IL1RN: variants seen among roughly 807,000 people sequenced by gnomAD.
IL1RN encodes interleukin 1 receptor antagonist, also known as interleukin-1 receptor antagonist protein.
A neutral mutation model predicts 13.7 loss-of-function variants in IL1RN; 10 were observed. That is an observed-to-expected ratio of 0.73 (90% CI 0.45 to 1.24). The LOEUF (loss-of-function observed/expected upper bound fraction) is 1.24, where lower values mean the gene tolerates loss of function less well. Ranked by LOEUF, IL1RN falls within the 50% of genes most tolerant of loss-of-function variation. IL1RN has a pLI of 0.00. For missense variants in IL1RN, 213 were observed against 222.1 expected, an observed-to-expected ratio of 0.96 and a Z score of 0.26; for synonymous variants, 102 against 82.7, an observed-to-expected ratio of 1.23 and a Z score of -1.27.
chr2:113,132,959 G>A lies in IL1RN; in HGVS notation c.*88G>A. 1 of 1,282,206 alleles carries A rather than the reference G, an allele frequency of 7.8e-7. No individual in the cohort carries two copies. Among genetic ancestry groups the A allele is most frequent in the South Asian group, 1.2e-5 (1 of 83,496 alleles). The allele number at this position is 1,282,206 out of a possible 1,614,324, so 79.4% of individuals were successfully genotyped here. A position where few individuals can be genotyped will look rare whatever the true frequency, so the allele number is the denominator to read the frequency against. ...CCTGCCCCAGGGCTCCCGGCTATGGGGGCACTGAGGACCAGCCATTGAGGG... is the reference window on the plus strand; with the variant it reads ...CCTGCCCCAGGGCTCCCGGCTATGGAGGCACTGAGGACCAGCCATTGAGGG... On this transcript the variant is annotated 3_prime_UTR_variant, in exon 4 of 4. Transcript: ENST00000409930.
At chr2:113,111,603 A>G (rs1234807113) in intron 1 of IL1RN, among the ~76,000 whole-genome samples, 2 of 152,220 alleles carry the variant, frequency 1.3e-5, no homozygotes, top group African/African-American at 4.8e-5. Context: ...ATGACTGCTC[A>G]GTGTGGGTAT....
At chr2:113,114,814 A>G (rs1289794933), upstream of IL1RN, among the ~76,000 whole-genome samples, 2 of 152,132 alleles carry the variant, frequency 1.3e-5, no homozygotes, top group Non-Finnish European at 2.9e-5. Flanking sequence ...CTGCCCTGGG[A>G]GACAGATATT....
intron 2 of IL1RN, chr2:113,121,739 C>A (rs1220863862): frequency 2.5e-6 from 1 of 406,360 alleles, no homozygotes; most frequent in Non-Finnish European, 3.3e-6. Flanking sequence ...CTGATAGCAG[C>A]AAGCCTGGGG....
At position 113,132,637 on chromosome 2, in the gene IL1RN, C is replaced by T; in HGVS notation, c.319-19C>T. 1 of 1,610,384 alleles carries T rather than the reference C, an allele frequency of 6.2e-7. No individual in the cohort carries two copies. The highest frequency in any genetic ancestry group is 8.5e-7 in the Non-Finnish European group (1 of 1,176,586). The stretch of plus-strand genomic sequence containing the variant: ...CTTCCTAGGCCTCAGCTCTCACCTG[C>T]CCATCTTTTGATTTCCAGGCAGTTA... On this transcript the variant is annotated intron_variant, in intron 3 of 3. Transcript: ENST00000409930.
upstream of IL1RN, among the ~76,000 whole-genome samples, chr2:113,106,769 C>T (rs1258030710): frequency 6.6e-6 from 1 of 152,028 alleles, no homozygotes; most frequent in African/African-American, 2.4e-5. Flanking sequence ...TAGACTGAGG[C>T]CCTCAGAAAC....
chr2:113,099,780 G>C, the IL1RN span, among the ~76,000 whole-genome samples: 1 of 118,616 alleles, frequency 8.4e-6, no homozygotes. Flanking sequence ...TGTCGCCCAG[G>C]CTGGAGTGCA....
chr2:113,107,664 T>A (rs1038482689), upstream of IL1RN, among the ~76,000 whole-genome samples: 4 of 151,142 alleles, frequency 2.6e-5, no homozygotes, highest in African/African-American at 9.8e-5. Flanking sequence ...ACCCAGGAGG[T>A]AGAGGTTGCA....
chr2:113,121,132 TTCTTCA>T (rs1686768477), intron 2 of IL1RN, among the ~76,000 whole-genome samples: 2 of 110,220 alleles, frequency 1.8e-5, no homozygotes, highest in South Asian at 3.4e-4. Context: ...CCTCTTATTC[TTCTTCA>T]TCGTCTTCGT....
the IL1RN span, among the ~76,000 whole-genome samples, chr2:113,101,875 C>A: frequency 6.6e-6 from 1 of 152,144 alleles, no homozygotes; most frequent in Non-Finnish European, 1.5e-5. Flanking sequence ...TCAAGTGATT[C>A]TCCTGCCTCA....
At position 113,132,728 on chromosome 2, in the gene IL1RN, G is replaced by A. The variant is rs1687217114; in HGVS notation, c.391G>A (p.Gly131Ser). Reference protein sequence around the residue: ...KRFAFIRSDSGPTTSFESAAC... With the variant: ...KRFAFIRSDSSPTTSFESAAC... ...CTTCGCCTTCATCCGCTCAGACAGTGGCCCCACCACCAGTTTTGAGTCTGC... is the reference window on the plus strand; with the variant it reads ...CTTCGCCTTCATCCGCTCAGACAGTAGCCCCACCACCAGTTTTGAGTCTGC... The change falls in exon 4 of 4, where the codon GGC (glycine) becomes AGC (serine). Residue 131 changes from glycine (G) to serine (S), a missense_variant. Coordinates refer to ENST00000409930, the MANE Select transcript of IL1RN (RefSeq NM_173842.3). The A allele has an allele frequency of 6.2e-6, 10 of 1,614,072 alleles. No individual in the cohort carries two copies. In the South Asian group the frequency reaches 8.8e-5, roughly 14 times the overall value.
upstream of IL1RN, among the ~76,000 whole-genome samples, chr2:113,105,167 T>C (rs1686369778): frequency 1.3e-5 from 2 of 152,114 alleles, no homozygotes; most frequent in Non-Finnish European, 1.5e-5. Context: ...AGAACATATA[T>C]AGAAAGGCAT....
At chr2:113,121,962 A>G (rs1558864774) in intron 2 of IL1RN, among the ~76,000 whole-genome samples, 1 of 152,250 alleles carries the variant, frequency 6.6e-6, no homozygotes, top group East Asian at 1.9e-4. Flanking sequence ...TTGTACTAAA[A>G]TATTTACCCA....
chr2:113,112,576 C>T (rs1338848897), intron 1 of IL1RN, among the ~76,000 whole-genome samples: 1 of 152,126 alleles, frequency 6.6e-6, no homozygotes, highest in African/African-American at 2.4e-5. Flanking sequence ...CAGTTTAGTT[C>T]TGTGACTTAC....
At chr2:113,118,581 A>T (rs1686659945) in intron 1 of IL1RN, among the ~76,000 whole-genome samples, 1 of 152,234 alleles carries the variant, frequency 6.6e-6, no homozygotes, top group Non-Finnish European at 1.5e-5. Context: ...TGATTTCATT[A>T]TATATAGTAT....
At chr2:113,105,714 A>G (rs1347173920), upstream of IL1RN, among the ~76,000 whole-genome samples, 4 of 152,370 alleles carry the variant, frequency 2.6e-5, no homozygotes, top group East Asian at 7.7e-4. Flanking sequence ...AAAATTAAGC[A>G]TTTCAAACAA....
At chr2:113,103,022 A>G (rs1002641142), upstream of IL1RN, among the ~76,000 whole-genome samples, 5 of 152,248 alleles carry the variant, frequency 3.3e-5, no homozygotes, top group African/African-American at 9.6e-5. Flanking sequence ...TCCCATGCCC[A>G]CGGCAGACAT....
At chr2:113,129,697 G>A (rs1313780411) in intron 2 of IL1RN, 33 bp downstream of exon 2, 4 of 1,350,812 alleles carry the variant, frequency 3.0e-6, no homozygotes, top group African/African-American at 1.4e-5. Context: ...AATGTATGTG[G>A]GCATCACGTC....
At chr2:113,121,864 T>C (rs1686794287) in intron 2 of IL1RN, among the ~76,000 whole-genome samples, 1 of 152,250 alleles carries the variant, frequency 6.6e-6, no homozygotes. Context: ...CTTGGCTACT[T>C]GGCAGGACTG....
At chr2:113,105,961 G>C (rs1164194340), upstream of IL1RN, among the ~76,000 whole-genome samples, 6 of 152,204 alleles carry the variant, frequency 3.9e-5, no homozygotes, top group African/African-American at 1.4e-4. Flanking sequence ...GTTGGAACAA[G>C]AGCCTATTGC....
Sources: gnomAD v4.1 joint callset for allele counts (sites outside exome capture counted in the v4.1 genomes callset) on GRCh38, gnomAD v4.1.1 for gene constraint, MANE v1.5 for transcripts, NCBI Gene and HGNC (gene_info 2026-07-23, HGNC 2026-07-21) for gene names.